The following XKR9 variants were observed in gnomAD, a reference collection of about 807,000 sequenced individuals.
The protein encoded by XKR9 is XK related 9, also known as XK-related protein 9.
XKR9 carries 32 observed loss-of-function variants against 32.0 expected under a neutral mutation model. The observed-to-expected ratio is 1.00, with a 90% CI of 0.76 to 1.34. The LOEUF is 1.34. Ranked by LOEUF, XKR9 falls within the 40% of genes most tolerant of loss-of-function variation. The pLI, the probability that XKR9 is intolerant of heterozygous loss-of-function variation, is 0.00. For synonymous variants in XKR9, 168 were observed against 143.4 expected (o/e 1.17, Z -1.22); for missense variants, 546 against 429.7 (o/e 1.27, Z -2.39).
chr8:70,738,363 C>G (rs1806901881), downstream of XKR9, among the ~76,000 whole-genome samples: 1 of 147,208 alleles, frequency 6.8e-6, no homozygotes, highest in Admixed American at 6.8e-5. Flanking sequence ...TTTCTCTTTT[C>G]TTCTTTATTA....
the XKR9 span, among the ~76,000 whole-genome samples, chr8:71,029,005 G>A: frequency 1.3e-5 from 2 of 152,072 alleles, no homozygotes; most frequent in African/African-American, 4.8e-5. Context: ...TGATTTCTCT[G>A]AGTCCATATT....
At chr8:70,826,618 T>C in the XKR9 span, among the ~76,000 whole-genome samples, 1 of 152,184 alleles carries the variant, frequency 6.6e-6, no homozygotes, top group African/African-American at 2.4e-5. Flanking sequence ...GCTGGGTGAC[T>C]TTTCAGACTT....
chr8:70,833,022 A>G, the XKR9 span, among the ~76,000 whole-genome samples: 1 of 152,316 alleles, frequency 6.6e-6, no homozygotes, highest in South Asian at 2.1e-4. Context: ...CCAGAACTAT[A>G]TGATTATCCT....
the XKR9 span, among the ~76,000 whole-genome samples, chr8:71,043,450 G>GTAAA: frequency 6.6e-6 from 1 of 152,186 alleles, no homozygotes; most frequent in Non-Finnish European, 1.5e-5. Context: ...CATCCACAAG[G>GTAAA]TAAAGCACAG....
intron 3 of XKR9, among the ~76,000 whole-genome samples, chr8:70,702,101 G>C (rs1004804632): frequency 6.6e-6 from 1 of 152,052 alleles, no homozygotes; most frequent in African/African-American, 2.4e-5. Flanking sequence ...TTAAATAGTT[G>C]AACTCTCCTT....
At chr8:70,756,320 A>G (rs777110618) in intron 2 of XKR9, among the ~76,000 whole-genome samples, 10 of 152,130 alleles carry the variant, frequency 6.6e-5, no homozygotes, top group Non-Finnish European at 1.5e-4. Context: ...TTTATTATTC[A>G]TTTTCAGCAT....
At chr8:70,811,030 A>G in the XKR9 span, among the ~76,000 whole-genome samples, 2 of 152,226 alleles carry the variant, frequency 1.3e-5, no homozygotes, top group Non-Finnish European at 2.9e-5. Flanking sequence ...AATTGACCAC[A>G]TACTTGGAAG....
intron 4 of XKR9, among the ~76,000 whole-genome samples, chr8:70,717,160 G>A (rs762048400): frequency 2.0e-5 from 3 of 152,160 alleles, no homozygotes; most frequent in Non-Finnish European, 4.4e-5. Flanking sequence ...TCCTGGCCTG[G>A]CATTGAGTGT....
chr8:70,984,921 CATA>C, the XKR9 span, among the ~76,000 whole-genome samples: 1 of 152,038 alleles, frequency 6.6e-6, no homozygotes, highest in African/African-American at 2.4e-5. Context: ...ATTTAGAATC[CATA>C]ATAACTTATT....
chr8:70,805,610 C>G, the XKR9 span, among the ~76,000 whole-genome samples: 1 of 152,316 alleles, frequency 6.6e-6, no homozygotes, highest in Non-Finnish European at 1.5e-5. Context: ...AAGACATGTT[C>G]CCCCACAGCC....
the XKR9 span, among the ~76,000 whole-genome samples, chr8:70,962,382 G>A: frequency 3.3e-5 from 5 of 151,882 alleles, no homozygotes; most frequent in South Asian, 4.2e-4. Flanking sequence ...TCTAATAGTC[G>A]TCAGTGTCTA....
chr8:70,834,048 C>T, the XKR9 span, among the ~76,000 whole-genome samples: 41 of 152,056 alleles, frequency 2.7e-4, no homozygotes, highest in African/African-American at 6.3e-4. Flanking sequence ...TTACTAAAGA[C>T]GGTCCAAACT....
the XKR9 span, among the ~76,000 whole-genome samples, chr8:70,822,900 AG>A: frequency 6.6e-6 from 1 of 152,174 alleles, no homozygotes; most frequent in East Asian, 1.9e-4. Context: ...GAAACACATA[AG>A]GGTTCTTATA....
At chr8:70,739,767 CT>C (rs959323511), downstream of XKR9, among the ~76,000 whole-genome samples, 12 of 152,176 alleles carry the variant, frequency 7.9e-5, no homozygotes, top group African/African-American at 1.7e-4. Context: ...GTTGAAAATT[CT>C]TTTCTTTCAG....
In XKR9 at chr8:70,707,041, A is replaced by C; in HGVS notation, c.381A>C (p.Arg127Ser). 1 of 1,613,478 alleles carries C rather than the reference A, an allele frequency of 6.2e-7. No individual in the cohort carries two copies. The highest frequency in any genetic ancestry group is 8.5e-7 in the Non-Finnish European group (1 of 1,179,506). ...ATCTACATAAAGAAGTTATAGATAG[A>C]GTGACTGATTTGAGCATGCTCAGAC... ...QIDLHKEVIDRVTDLSMLRLF... is the reference protein window; with the variant it reads ...QIDLHKEVIDSVTDLSMLRLF... Residue 127 changes from arginine (R) to serine (S), a missense_variant, in exon 4 of 5, where the codon AGA becomes AGC. Transcript: ENST00000408926.
intron 4 of XKR9, among the ~76,000 whole-genome samples, chr8:70,730,595 A>G (rs1302297212): frequency 6.6e-6 from 1 of 151,972 alleles, no homozygotes; most frequent in African/African-American, 2.4e-5. Context: ...TTTAAATAAG[A>G]TTTATAATCT....
the XKR9 span, among the ~76,000 whole-genome samples, chr8:70,813,979 A>G: frequency 6.6e-6 from 1 of 152,250 alleles, no homozygotes; most frequent in African/African-American, 2.4e-5. Context: ...TGCTGCTATA[A>G]AGACACATGC....
the XKR9 span, among the ~76,000 whole-genome samples, chr8:70,934,196 T>A: frequency 6.6e-6 from 1 of 152,068 alleles, no homozygotes. Flanking sequence ...AGCCATACTG[T>A]TAAACTGATA....
the XKR9 span, among the ~76,000 whole-genome samples, chr8:70,854,574 G>A: frequency 2.0e-5 from 3 of 152,154 alleles, no homozygotes; most frequent in African/African-American, 7.2e-5. Context: ...TGCTTTCGGT[G>A]TTTTAGTCAT....
Sources: allele counts gnomAD v4.1 joint callset (sites outside exome capture counted in the v4.1 genomes callset), GRCh38; gene constraint gnomAD v4.1.1; transcripts MANE v1.5; gene names NCBI Gene and HGNC (gene_info 2026-07-23, HGNC 2026-07-21).